Variants in TRIM34 observed in about 807,000 individuals in gnomAD.
The protein encoded by TRIM34 is tripartite motif containing 34, also known as E3 ubiquitin-protein ligase TRIM34.
In TRIM34, 41 loss-of-function variants were observed where a neutral mutation model predicts 38.1. The ratio of observed to expected loss-of-function variants is 1.08; its 90% CI spans 0.84 to 1.40. The LOEUF is 1.40. Among genes scored for constraint, TRIM34 ranks in the 40% most tolerant of loss-of-function variants. TRIM34 has a pLI of 0.00. For missense variants in TRIM34, 556 were observed against 571.4 expected (o/e 0.97, Z 0.27); for synonymous variants, 200 against 202.5 (o/e 0.99, Z 0.10).
chr11:5,635,206 T>C (rs1849679446), intron 4 of TRIM34, among the ~76,000 whole-genome samples: 1 of 152,146 alleles, frequency 6.6e-6, no homozygotes, highest in Admixed American at 6.5e-5. Flanking sequence ...AAATGTGTTC[T>C]ATTTAAGTTT....
At chr11:5,622,894 G>A (rs1849042472), upstream of TRIM34, among the ~76,000 whole-genome samples, 2 of 152,238 alleles carry the variant, frequency 1.3e-5, no homozygotes, top group African/African-American at 4.8e-5. Context: ...AAGGTGGTCA[G>A]GGCACAGCTT....
At chr11:5,635,493 T>C (rs960777458) in intron 4 of TRIM34, among the ~76,000 whole-genome samples, 54 of 152,246 alleles carry the variant, frequency 3.5e-4, no homozygotes, top group African/African-American at 1.2e-3. Flanking sequence ...CCTGACCTCG[T>C]GGTCCGCCTG....
At chr11:5,641,021 C>T in intron 4 of TRIM34, 146 bp from the exon 5 acceptor site, 1 of 1,115,674 alleles carries the variant, frequency 9.0e-7, no homozygotes, top group East Asian at 2.7e-5. Context: ...CTTGGTGTGT[C>T]TAGCTAAATG....
At chr11:5,622,138 T>C (rs1236602417), upstream of TRIM34, among the ~76,000 whole-genome samples, 1 of 152,156 alleles carries the variant, frequency 6.6e-6, no homozygotes, top group East Asian at 1.9e-4. Context: ...CTCAGAGAAA[T>C]GAGTTTTTTA....
intron 7 of TRIM34, 103 bp downstream of exon 7, chr11:5,642,946 C>A (rs925974286): frequency 2.9e-5 from 43 of 1,504,784 alleles, no homozygotes; most frequent in Non-Finnish European, 3.8e-5. Flanking sequence ...TTCTCAGCAC[C>A]TCCCAAAACA....
At chr11:5,631,766 TTA>T (rs1309975000) in intron 1 of TRIM34, among the ~76,000 whole-genome samples, 1 of 152,210 alleles carries the variant, frequency 6.6e-6, no homozygotes, top group Admixed American at 6.5e-5. Flanking sequence ...GAAGTTTTTT[TTA>T]TATGTTTATC....
chr11:5,639,110 G>A (rs183914583), intron 4 of TRIM34, among the ~76,000 whole-genome samples: 20 of 152,000 alleles, frequency 1.3e-4, no homozygotes, highest in Non-Finnish European at 2.2e-4. Flanking sequence ...TTTATTATTC[G>A]ATCAGACTTT....
chr11:5,629,618 A>C (rs945299487), intron 1 of TRIM34, among the ~76,000 whole-genome samples: 1 of 152,204 alleles, frequency 6.6e-6, no homozygotes, highest in Non-Finnish European at 1.5e-5. Flanking sequence ...ATTTGCACTC[A>C]TGCAGCTTAA....
chr11:5,639,679 CAAAA>C (rs58134807), intron 4 of TRIM34, among the ~76,000 whole-genome samples: 3 of 51,130 alleles, frequency 5.9e-5, no homozygotes, highest in East Asian at 7.0e-4. Context: ...GACTCTATTT[CAAAA>C]AAAAAAAAAA....
intron 1 of TRIM34, among the ~76,000 whole-genome samples, chr11:5,630,601 T>G (rs1394151370): frequency 6.6e-6 from 1 of 152,234 alleles, no homozygotes; most frequent in Non-Finnish European, 1.5e-5. Flanking sequence ...TGATTCCTTC[T>G]GCCTAAAATA....
At chr11:5,622,560 G>C (rs563642083), upstream of TRIM34, among the ~76,000 whole-genome samples, 2 of 152,292 alleles carry the variant, frequency 1.3e-5, no homozygotes, top group East Asian at 1.9e-4. Context: ...GGAGGTTGCG[G>C]TGAGCCAAGA....
chr11:5,634,694 A>C lies in TRIM34; in HGVS notation c.583A>C (p.Asn195His). ...ATTTGATCAGCTTAGAAGCATCCTAAATAATGAGGAGCAGAGAGAGCTGCA... is the reference window on the plus strand; with the variant it reads ...ATTTGATCAGCTTAGAAGCATCCTACATAATGAGGAGCAGAGAGAGCTGCA... ...TEFDQLRSILNNEEQRELQRL... is the reference protein window; with the variant it reads ...TEFDQLRSILHNEEQRELQRL... The change falls in exon 4 of 8, where the codon AAT becomes CAT. Residue 195 changes from asparagine (N) to histidine (H), a missense_variant. Asn to His is a moderately conservative substitution (Grantham distance 68). Transcript: ENST00000429814. 6.2e-7 allele frequency: 1 copy of C among 1,614,110 alleles called. No individual in the cohort carries two copies. The highest frequency in any genetic ancestry group is 8.5e-7 in the Non-Finnish European group (1 of 1,180,006).
chr11:5,636,850 A>G (rs966179004), intron 4 of TRIM34, among the ~76,000 whole-genome samples: 6 of 152,214 alleles, frequency 3.9e-5, no homozygotes, highest in African/African-American at 1.4e-4. Flanking sequence ...CCAATATGTT[A>G]AGATATAATC....
upstream of TRIM34, among the ~76,000 whole-genome samples, chr11:5,622,302 G>A (rs546862249): frequency 9.9e-5 from 15 of 152,174 alleles, no homozygotes; most frequent in African/African-American, 1.7e-4. Flanking sequence ...AAAATTAGCC[G>A]GGCGTTGTGG....
chr11:5,622,351 AGG>A (rs1849018249), upstream of TRIM34, among the ~76,000 whole-genome samples: 1 of 151,878 alleles, frequency 6.6e-6, no homozygotes, highest in Middle Eastern at 3.2e-3. Flanking sequence ...AGGCTGAGGA[AGG>A]AGAATGGCGT....
chr11:5,632,458 A>C lies in TRIM34; in HGVS notation c.127A>C (p.Asn43His). ...SLCRACITVSNKEAVTSMGGK... is the reference protein window; with the variant it reads ...SLCRACITVSHKEAVTSMGGK... ...CTGCCGAGCCTGCATCACTGTGAGC[A>C]ACAAGGAGGCAGTGACCAGCATGGG... The change falls in exon 2 of 8, where the codon AAC becomes CAC. Residue 43 changes from asparagine (N) to histidine (H), a missense_variant. Asn to His is a moderately conservative substitution (Grantham distance 68, BLOSUM62 1). Coordinates refer to ENST00000429814, the MANE Select transcript of TRIM34 (RefSeq NM_021616.6). 6.2e-7 allele frequency: 1 copy of C among 1,614,086 alleles called. No individual in the cohort carries two copies. The highest frequency in any genetic ancestry group is 8.5e-7 in the Non-Finnish European group (1 of 1,180,022).
chr11:5,642,550 G>A, intron 6 of TRIM34, 44 bp downstream of exon 6: 1 of 1,604,796 alleles, frequency 6.2e-7, no homozygotes, highest in Non-Finnish European at 8.5e-7. Flanking sequence ...GATTGTTGTG[G>A]TGTCAGGTAA....
At chr11:5,635,996 A>G (rs1849717761) in intron 4 of TRIM34, among the ~76,000 whole-genome samples, 3 of 152,228 alleles carry the variant, frequency 2.0e-5, no homozygotes, top group Non-Finnish European at 4.4e-5. Flanking sequence ...CAGAAATGTA[A>G]AGAGAGTTCT....
Position 5,643,454 on chromosome 11 carries a change from T to C in TRIM34, c.1212T>C (p.Asn404=), listed in dbSNP as rs16933844. The C allele has an allele frequency of 1.2e-6, 2 of 1,614,126 alleles. No individual in the cohort carries two copies. Among genetic ancestry groups the C allele is most frequent in the Admixed American group, 3.3e-5 (2 of 60,014 alleles). The change falls in exon 8 of 8, where the codon AAT becomes AAC. Residue 404 remains asparagine (N), a synonymous_variant. Coordinates refer to ENST00000429814, the MANE Select transcript of TRIM34 (RefSeq NM_021616.6). ...LFGYWVIGLQ[N]KCKYGVFEES... Reference sequence around the variant, plus strand: ...GCTACTGGGTTATAGGGTTACAGAATAAATGTAAGTATGGTGTCTTTGAAG... The same window carrying C: ...GCTACTGGGTTATAGGGTTACAGAACAAATGTAAGTATGGTGTCTTTGAAG...
Sources: gnomAD v4.1 joint callset for allele counts (sites outside exome capture counted in the v4.1 genomes callset) on GRCh38, gnomAD v4.1.1 for gene constraint, MANE v1.5 for transcripts, NCBI Gene and HGNC (gene_info 2026-07-23, HGNC 2026-07-21) for gene names.